TSPAN1: variants seen among roughly 807,000 people sequenced by gnomAD.
TSPAN1 encodes the protein tetraspanin 1.
A neutral mutation model predicts 26.9 loss-of-function variants in TSPAN1; 23 were observed. That is an observed-to-expected ratio of 0.85 (90% CI 0.62 to 1.21). TSPAN1 has a LOEUF of 1.21. Among genes scored for constraint, TSPAN1 ranks in the 50% most tolerant of loss-of-function variants. The pLI, the probability that TSPAN1 is intolerant of heterozygous loss-of-function variation, is 0.00. For missense variants in TSPAN1, 283 were observed against 298.4 expected (o/e 0.95, Z 0.38); for synonymous variants, 115 against 114.8 (o/e 1.00, Z -0.01).
intron 1 of TSPAN1, among the ~76,000 whole-genome samples, chr1:46,177,417 T>C (rs2148134303): frequency 6.6e-6 from 1 of 152,198 alleles, no homozygotes; most frequent in South Asian, 2.1e-4. Context: ...GACATTGAAC[T>C]CACAGCCAAC....
At chr1:46,195,712 G>T in the TSPAN1 span, 3 of 1,103,560 alleles carry the variant, frequency 2.7e-6, no homozygotes, top group East Asian at 2.6e-5. Flanking sequence ...TTCCTTCAGA[G>T]AATCTTCCCA....
downstream of TSPAN1, among the ~76,000 whole-genome samples, chr1:46,186,707 G>C (rs1259900896): frequency 6.9e-6 from 1 of 143,904 alleles, no homozygotes; most frequent in Non-Finnish European, 1.5e-5. Flanking sequence ...TGTCGCCCAG[G>C]CTGGAGTGCA....
At chr1:46,195,070 T>A in the TSPAN1 span, 1 of 938,622 alleles carries the variant, frequency 1.1e-6, no homozygotes, top group Non-Finnish European at 1.8e-6. Flanking sequence ...CTCATTACAT[T>A]ATTGCAATAA....
chr1:46,192,350 C>T, the TSPAN1 span: 14 of 1,614,194 alleles, frequency 8.7e-6, no homozygotes, highest in East Asian at 2.2e-5. Flanking sequence ...CCTCCTTGTA[C>T]AAGGACCTCC....
chr1:46,175,609 G>A (rs1482213890), intron 1 of TSPAN1, 200 bp downstream of exon 1: 2 of 399,000 alleles, frequency 5.0e-6, no homozygotes, highest in Non-Finnish European at 8.8e-6. Context: ...AAAATCCCAG[G>A]TTGCCTGAGA....
chr1:46,186,122 G>A (rs1406035803), downstream of TSPAN1, among the ~76,000 whole-genome samples: 2 of 152,136 alleles, frequency 1.3e-5, no homozygotes, highest in Non-Finnish European at 2.9e-5. Flanking sequence ...GGCCTTGGAG[G>A]GAAACTAAGA....
chr1:46,192,499 C>T, the TSPAN1 span: 1 of 1,614,148 alleles, frequency 6.2e-7, no homozygotes. Context: ...CCTGCTAAAC[C>T]CTGGTCATTC....
chr1:46,190,925 A>C, downstream of TSPAN1: 1 of 794,252 alleles, frequency 1.3e-6, no homozygotes, highest in Non-Finnish European at 2.2e-6. Context: ...CGTCTTCTCC[A>C]TCCTCTTTGC....
chr1:46,195,870 C>T, the TSPAN1 span: 1 of 1,613,068 alleles, frequency 6.2e-7, no homozygotes, highest in African/African-American at 1.3e-5. Context: ...AGCACCATGG[C>T]CTCATCCTCA....
the TSPAN1 span, chr1:46,194,521 G>T: frequency 6.2e-7 from 1 of 1,614,060 alleles, no homozygotes; most frequent in Non-Finnish European, 8.5e-7. Context: ...CCCAGCCCAG[G>T]CCCTGCCCCA....
chr1:46,192,640 G>C, the TSPAN1 span: 4 of 1,609,394 alleles, frequency 2.5e-6, no homozygotes, highest in Non-Finnish European at 3.4e-6. Context: ...GATAAATCTA[G>C]TCACACAGAG....
At chr1:46,193,746 T>G in the TSPAN1 span, 2 of 1,597,602 alleles carry the variant, frequency 1.3e-6, no homozygotes, top group Non-Finnish European at 1.7e-6. Flanking sequence ...CAGAGGTGAA[T>G]GCGTCTAGAA....
chr1:46,185,190 C>G (rs774320653), intron 7 of TSPAN1, 35 bp from the exon 8 acceptor site: 1 of 1,614,112 alleles, frequency 6.2e-7, no homozygotes, highest in South Asian at 1.1e-5. Context: ...AGTAGGGCAG[C>G]TGCCAACTAT....
At chr1:46,195,023 G>A in the TSPAN1 span, 11 of 1,463,798 alleles carry the variant, frequency 7.5e-6, no homozygotes, top group Middle Eastern at 3.4e-4. Context: ...TGGCCTCACA[G>A]AGCACGAACT....
At chr1:46,192,169 A>C in the TSPAN1 span, 1 of 1,613,790 alleles carries the variant, frequency 6.2e-7, no homozygotes, top group African/African-American at 1.3e-5. Context: ...GGGATGATGC[A>C]CTCTCGGCCC....
downstream of TSPAN1, chr1:46,189,671 C>G (rs1657596570): frequency 4.5e-6 from 7 of 1,551,236 alleles, no homozygotes; most frequent in South Asian, 6.0e-5. Context: ...GAAACCACCT[C>G]AATTTGTAAG....
Position 46,185,268 on chromosome 1 carries a change from T to C in TSPAN1, c.638T>C (p.Val213Ala). 5 of 1,614,156 alleles carry C rather than the reference T, an allele frequency of 3.1e-6. No individual in the cohort carries two copies. Among genetic ancestry groups the C allele is most frequent in the Non-Finnish European group, 4.2e-6 (5 of 1,180,026 alleles). The change falls in exon 8 of 9, where the codon GTC (valine) becomes GCC (alanine). Residue 213 changes from valine to alanine, a missense_variant. Transcript: ENST00000372003. The part of the protein sequence containing the change: ...QLLYDIRTNA[V>A]TVGGVAAGIG... ...TTGTATGACATCCGAACTAATGCAG[T>C]CACCGTGGGTGGTGTGGCAGCTGGA...
chr1:46,194,853 G>T, the TSPAN1 span: 1 of 1,613,914 alleles, frequency 6.2e-7, no homozygotes, highest in Non-Finnish European at 8.5e-7. Context: ...CCTCCTTTTC[G>T]TCCCACGAAG....
At chr1:46,189,583 T>C (rs1331702252), downstream of TSPAN1, 2 of 1,603,902 alleles carry the variant, frequency 1.2e-6, no homozygotes, top group Admixed American at 3.4e-5. Flanking sequence ...GAGGGTGGGA[T>C]GGAGACAGAG....
Sources: gnomAD v4.1 joint callset for allele counts (sites outside exome capture counted in the v4.1 genomes callset) on GRCh38, gnomAD v4.1.1 for gene constraint, MANE v1.5 for transcripts, NCBI Gene and HGNC (gene_info 2026-07-23, HGNC 2026-07-21) for gene names.